The following CACNA2D3 variants were observed in gnomAD, a reference collection of about 807,000 sequenced individuals.
The protein encoded by CACNA2D3 is voltage-dependent calcium channel subunit alpha-2/delta-3.
Under a neutral mutation model 160.6 loss-of-function variants are expected in CACNA2D3, and 60 were observed. The ratio of observed to expected loss-of-function variants is 0.37; its 90% CI spans 0.30 to 0.46. The LOEUF (loss-of-function observed/expected upper bound fraction) is 0.46, where lower values mean the gene tolerates loss of function less well. Among genes scored for constraint, CACNA2D3 ranks in the 20% least tolerant of loss-of-function variants. The pLI, the probability that CACNA2D3 is intolerant of heterozygous loss-of-function variation, is 1.00. For synonymous variants in CACNA2D3, 558 were observed against 492.9 expected, an observed-to-expected ratio of 1.13 and a Z score of -1.75; for missense variants, 1,205 against 1,365.0, an observed-to-expected ratio of 0.88 and a Z score of 1.85.
chr3:54,456,501 G>A (rs1269319127), intron 4 of CACNA2D3, among the ~76,000 whole-genome samples: 1 of 151,756 alleles, frequency 6.6e-6, no homozygotes, highest in Admixed American at 6.6e-5. Context: ...AAGATCATCT[G>A]CAAACAGATT....
chr3:54,968,761 T>G (rs760028738), intron 28 of CACNA2D3, among the ~76,000 whole-genome samples: 14 of 152,204 alleles, frequency 9.2e-5, no homozygotes, highest in Non-Finnish European at 2.1e-4. Context: ...ATAGTGACCT[T>G]CCAAAGGAGT....
At chr3:54,248,153 G>C (rs1702117897) in intron 2 of CACNA2D3, among the ~76,000 whole-genome samples, 2 of 152,074 alleles carry the variant, frequency 1.3e-5, no homozygotes, top group East Asian at 3.9e-4. Context: ...CTTTTAGAAG[G>C]TAATTAAGGT....
chr3:54,846,503 T>A, intron 17 of CACNA2D3, 36 bp downstream of exon 17: 1 of 1,381,074 alleles, frequency 7.2e-7, no homozygotes, highest in Non-Finnish European at 1.0e-6. Context: ...TTTCTGCTTT[T>A]ATGATTTTAA....
In CACNA2D3 at chr3:54,970,986, T is replaced by C. The variant is rs550075701; in HGVS notation, c.2556+1142T>C. Among the ~76,000 whole-genome samples the C allele has an allele frequency of 2.6e-5, 4 of 151,984 alleles. No homozygotes were observed. The East Asian group carries it at 5.8e-4, about 22-fold the overall frequency. ...GATTAGGAAGTAGATTTCAAAAAGG[T>C]GGACAAAGGAAAAACAAGTAAGGAA... is the stretch of plus-strand genomic sequence containing the variant. On this transcript the variant is annotated intron_variant, in intron 29 of 37. Transcript: ENST00000474759.
At chr3:54,906,728 G>A (rs1408018342) in intron 27 of CACNA2D3, among the ~76,000 whole-genome samples, 3 of 152,152 alleles carry the variant, frequency 2.0e-5, no homozygotes, top group African/African-American at 7.2e-5. Flanking sequence ...ACTATGAGAT[G>A]GGACTTTTTA....
chr3:54,726,141 T>G (rs1003423804), intron 11 of CACNA2D3, among the ~76,000 whole-genome samples: 30 of 152,154 alleles, frequency 2.0e-4, no homozygotes, highest in Non-Finnish European at 3.5e-4. Context: ...AGCCAAATCA[T>G]GAGTGAACTC....
In CACNA2D3 at chr3:54,122,747, C is replaced by T. The variant is rs1226137047; in HGVS notation, c.34C>T (p.Arg12Trp). 8.2e-6 allele frequency: 10 copies of T among 1,219,220 alleles called. No homozygotes were observed. The highest frequency in any genetic ancestry group is 3.2e-4 in the Middle Eastern group (1 of 3,146). The allele number at this position is 1,219,220 out of a possible 1,614,324, so 75.5% of individuals were successfully genotyped here. The change falls in exon 1 of 38, where the codon CGG (arginine) becomes TGG (tryptophan). Residue 12 changes from arginine to tryptophan, a missense_variant. Arg to Trp is a moderately radical substitution (Grantham distance 101, BLOSUM62 -3). Around this residue, in one of 3 missense-constraint regions of CACNA2D3, gnomAD observed 163 missense variants for 161.3 expected, o/e 1.01. Coordinates refer to ENST00000474759, the MANE Select transcript of CACNA2D3 (RefSeq NM_018398.3). ...GCCGGGCTCGCCGCGCCGCGCGTCCCGGGGGGCCTCGGCGCTTCTCGCTGC... is the reference window on the plus strand; with the variant it reads ...GCCGGGCTCGCCGCGCCGCGCGTCCTGGGGGGCCTCGGCGCTTCTCGCTGC... ...AGPGSPRRAS[R>W]GASALLAAAL... is the part of the protein sequence containing the mutation.
chr3:54,249,582 C>CAG (rs1702143598), intron 2 of CACNA2D3, among the ~76,000 whole-genome samples: 1 of 149,632 alleles, frequency 6.7e-6, no homozygotes, highest in Non-Finnish European at 1.5e-5. Context: ...CACACACACA[C>CAG]ACACACCAGG....
At chr3:55,071,872 C>G (rs887295900) in intron 35 of CACNA2D3, among the ~76,000 whole-genome samples, 6 of 152,128 alleles carry the variant, frequency 3.9e-5, no homozygotes, top group Non-Finnish European at 8.8e-5. Context: ...GTTTTGTGAT[C>G]TTGGTTTTGT....
At chr3:54,572,448 C>A (rs992832761) in intron 8 of CACNA2D3, among the ~76,000 whole-genome samples, 22 of 152,196 alleles carry the variant, frequency 1.4e-4, no homozygotes, top group African/African-American at 5.3e-4. Flanking sequence ...TGAATCCTCA[C>A]CCCAGCTCTG....
At chr3:54,968,586 C>G (rs1278112157) in intron 28 of CACNA2D3, 75 bp downstream of exon 28, 5 of 1,017,558 alleles carry the variant, frequency 4.9e-6, no homozygotes, top group Non-Finnish European at 7.5e-6. Flanking sequence ...GTACCTGGAG[C>G]CTGAAAGTGC....
chr3:54,359,411 A>G (rs1043250438), intron 3 of CACNA2D3, among the ~76,000 whole-genome samples: 2 of 152,194 alleles, frequency 1.3e-5, no homozygotes, highest in African/African-American at 4.8e-5. Flanking sequence ...GAGATAGAAT[A>G]AAGTCCCTGG....
chr3:54,837,659 G>C (rs1457354396), intron 15 of CACNA2D3, among the ~76,000 whole-genome samples: 2 of 152,138 alleles, frequency 1.3e-5, no homozygotes, highest in Admixed American at 1.3e-4. Flanking sequence ...GCAGGGCCAT[G>C]CTCCCTCTGA....
chr3:54,232,328 TGTGCTCACAAGG>T (rs1222477521), intron 2 of CACNA2D3, among the ~76,000 whole-genome samples: 1 of 152,170 alleles, frequency 6.6e-6, no homozygotes, highest in Non-Finnish European at 1.5e-5. Context: ...TTAAATGGGT[TGTGCTCACAAGG>T]GTTCAGAGTG....
At chr3:54,274,314 A>G (rs934098189) in intron 2 of CACNA2D3, among the ~76,000 whole-genome samples, 2 of 152,056 alleles carry the variant, frequency 1.3e-5, no homozygotes, top group Admixed American at 1.3e-4. Context: ...ATTCTTATAG[A>G]TTATTTTTCT....
chr3:54,974,695 C>T (rs988902540), intron 29 of CACNA2D3, among the ~76,000 whole-genome samples: 3 of 152,214 alleles, frequency 2.0e-5, no homozygotes, highest in African/African-American at 7.2e-5. Context: ...CCTCTGTGCT[C>T]TCCACCCTGC....
chr3:54,745,865 G>C (rs1199159362), intron 11 of CACNA2D3, among the ~76,000 whole-genome samples: 1 of 151,968 alleles, frequency 6.6e-6, no homozygotes, highest in East Asian at 1.9e-4. Context: ...TTGTGCTTGG[G>C]AAAAAGAGAT....
chr3:54,659,589 A>G (rs1559541789), intron 11 of CACNA2D3, among the ~76,000 whole-genome samples: 1 of 152,172 alleles, frequency 6.6e-6, no homozygotes, highest in African/African-American at 2.4e-5. Context: ...GAGAGCATCC[A>G]GGGACCTGGG....
chr3:54,700,397 T>G (rs1700746898), intron 11 of CACNA2D3, among the ~76,000 whole-genome samples: 1 of 152,212 alleles, frequency 6.6e-6, no homozygotes, highest in South Asian at 2.1e-4. Context: ...AAATTCACAT[T>G]TAATTTAATT....
Sources: allele counts gnomAD v4.1 joint callset (sites outside exome capture counted in the v4.1 genomes callset), GRCh38; gene constraint gnomAD v4.1.1; regional missense constraint gnomAD v4.1.1; transcripts MANE v1.5; gene names NCBI Gene and HGNC (gene_info 2026-07-23, HGNC 2026-07-21).